Variants in RNF169 observed in about 807,000 individuals in gnomAD.
RNF169 encodes the protein ring finger protein 169, also known as E3 ubiquitin-protein ligase RNF169.
A neutral mutation model predicts 53.9 loss-of-function variants in RNF169; 24 were observed. That is an observed-to-expected ratio of 0.45 (90% confidence interval 0.32 to 0.63). The LOEUF is 0.63. Ranked by LOEUF, RNF169 falls within the 20% of genes least tolerant of loss-of-function variation. RNF169 has a pLI of 0.04. For synonymous variants in RNF169, 396 were observed against 363.5 expected (o/e 1.09, Z -1.02); for missense variants, 883 against 906.2 (o/e 0.97, Z 0.33).
intron 1 of RNF169, among the ~76,000 whole-genome samples, chr11:74,771,303 G>A (rs925167231): frequency 6.6e-6 from 1 of 152,126 alleles, no homozygotes; most frequent in African/African-American, 2.4e-5. Context: ...ATCTGAAATC[G>A]AAAATGTGCC....
intron 4 of RNF169, 62 bp from the exon 5 acceptor site, chr11:74,834,614 C>A: frequency 8.3e-7 from 1 of 1,203,900 alleles, no homozygotes; most frequent in Non-Finnish European, 1.2e-6. Flanking sequence ...TATTGTCATC[C>A]TTTTTCCTTA....
chr11:74,791,757 A>G (rs1370080689), intron 2 of RNF169, among the ~76,000 whole-genome samples: 3 of 152,220 alleles, frequency 2.0e-5, no homozygotes, highest in East Asian at 1.9e-4. Context: ...TGGGCCCCCA[A>G]GAGCACAGGG....
chr11:74,794,498 A>G (rs2035620296), intron 2 of RNF169, among the ~76,000 whole-genome samples: 1 of 152,222 alleles, frequency 6.6e-6, no homozygotes, highest in South Asian at 2.1e-4. Context: ...GAAAGCTAGG[A>G]AGTGGTGGTC....
intron 2 of RNF169, among the ~76,000 whole-genome samples, chr11:74,803,973 A>G (rs1237983480): frequency 2.0e-5 from 3 of 152,220 alleles, no homozygotes; most frequent in East Asian, 3.8e-4. Context: ...ACAGCAGGTC[A>G]TTGTTCAACA....
At chr11:74,769,202 T>C (rs1212038904) in intron 1 of RNF169, among the ~76,000 whole-genome samples, 1 of 152,132 alleles carries the variant, frequency 6.6e-6, no homozygotes, top group Non-Finnish European at 1.5e-5. Flanking sequence ...AGAAAAATGG[T>C]GAGAAGATTT....
chr11:74,817,525 G>C (rs2035954473), intron 3 of RNF169, 71 bp from the exon 4 acceptor site: 1 of 919,212 alleles, frequency 1.1e-6, no homozygotes, highest in East Asian at 2.4e-5. Context: ...AAAGAGATTT[G>C]AACCTATAGC....
At chr11:74,826,669 T>C (rs1351309214) in intron 4 of RNF169, among the ~76,000 whole-genome samples, 4 of 152,218 alleles carry the variant, frequency 2.6e-5, no homozygotes, top group Admixed American at 2.6e-4. Flanking sequence ...AATAAGGGTA[T>C]AGGCATTGGG....
intron 1 of RNF169, among the ~76,000 whole-genome samples, chr11:74,752,228 TAAAAAAAAA>T (rs11325931): frequency 5.7e-4 from 45 of 78,742 alleles, no homozygotes; most frequent in Non-Finnish European, 8.8e-4. Context: ...GAGACTGTCT[TAAAAAAAAA>T]AAAAAAAAAA....
At chr11:74,800,157 G>C (rs2035709217) in intron 2 of RNF169, among the ~76,000 whole-genome samples, 1 of 151,628 alleles carries the variant, frequency 6.6e-6, no homozygotes, top group African/African-American at 2.4e-5. Flanking sequence ...AAGATAAACT[G>C]ATTTTTAAAA....
chr11:74,755,063 T>C lies in RNF169; in HGVS notation c.502+5681T>C, dbSNP rs2135303145. Among the ~76,000 whole-genome samples the C allele has an allele frequency of 2.0e-5, 3 of 152,346 alleles. No individual in the cohort carries two copies. In the South Asian group the frequency reaches 6.2e-4, roughly 32 times the overall value. ...AATGAATAATGAAACCATGTGATTG[T>C]AGTGCAAGAGGACAGGAATTCCCTA... On this transcript the variant is annotated intron_variant, in intron 1 of 5. Transcript: ENST00000299563.
At chr11:74,787,859 C>T (rs538307573) in intron 1 of RNF169, among the ~76,000 whole-genome samples, 1 of 152,298 alleles carries the variant, frequency 6.6e-6, no homozygotes, top group Non-Finnish European at 1.5e-5. Context: ...TTCATTACAG[C>T]ATTCTTTCAA....
chr11:74,784,220 G>A (rs1049417762), intron 1 of RNF169, among the ~76,000 whole-genome samples: 1 of 152,178 alleles, frequency 6.6e-6, no homozygotes, highest in Non-Finnish European at 1.5e-5. Context: ...TGAAATCAAA[G>A]TATTGTTACT....
intron 4 of RNF169, among the ~76,000 whole-genome samples, 193 bp downstream of exon 4, chr11:74,817,907 C>T (rs1053938416): frequency 3.3e-5 from 5 of 152,108 alleles, no homozygotes; most frequent in African/African-American, 9.7e-5. Context: ...AAAAGTAACA[C>T]CCCTTTTCTG....
At chr11:74,794,755 G>T (rs1024702741) in intron 2 of RNF169, among the ~76,000 whole-genome samples, 2 of 152,110 alleles carry the variant, frequency 1.3e-5, no homozygotes, top group Non-Finnish European at 2.9e-5. Context: ...GTGACAGAGA[G>T]GGGTCATGAG....
chr11:74,778,348 C>G (rs977003396), intron 1 of RNF169, among the ~76,000 whole-genome samples: 4 of 152,156 alleles, frequency 2.6e-5, no homozygotes, highest in African/African-American at 9.7e-5. Flanking sequence ...CATATGATAA[C>G]TTGATATGTT....
At chr11:74,835,051 T>C (rs2036233272) in intron 5 of RNF169, among the ~76,000 whole-genome samples, 2 of 152,152 alleles carry the variant, frequency 1.3e-5, no homozygotes, top group African/African-American at 4.8e-5. Context: ...GGTGCAACCA[T>C]AGCTCACTGA....
At chr11:74,753,031 T>C (rs1055021402) in intron 1 of RNF169, among the ~76,000 whole-genome samples, 1 of 152,210 alleles carries the variant, frequency 6.6e-6, no homozygotes, top group African/African-American at 2.4e-5. Context: ...TGCAATGGCA[T>C]GATCTCGGTT....
intron 1 of RNF169, among the ~76,000 whole-genome samples, chr11:74,788,929 C>T (rs1033184858): frequency 6.6e-6 from 1 of 152,078 alleles, no homozygotes; most frequent in Non-Finnish European, 1.5e-5. Flanking sequence ...AGATGGGTTG[C>T]CTTTTTAATC....
In RNF169 at chr11:74,842,299, G is replaced by A. The variant is rs1450329392; in HGVS notation, c.*5569G>A. Reference sequence around the variant, plus strand: ...CAGCAAGGACATGGCATGGAATCAAGTGGGCTGATGTGTTGTTATTTAAAC... The same window carrying A: ...CAGCAAGGACATGGCATGGAATCAAATGGGCTGATGTGTTGTTATTTAAAC... On this transcript the variant is annotated 3_prime_UTR_variant, in exon 6 of 6. Coordinates refer to ENST00000299563, the MANE Select transcript of RNF169 (RefSeq NM_001098638.2). 1 of 152,250 alleles carries A rather than the reference G, an allele frequency of 6.6e-6. No individual in the cohort carries two copies. Among genetic ancestry groups the A allele is most frequent in the Non-Finnish European group, 1.5e-5 (1 of 68,048 alleles). The allele number at this position is 152,250 out of a possible 1,614,324, so 9.4% of individuals were successfully genotyped here.
Sources: gnomAD v4.1 joint callset for allele counts (sites outside exome capture counted in the v4.1 genomes callset) on GRCh38, gnomAD v4.1.1 for gene constraint, MANE v1.5 for transcripts, NCBI Gene and HGNC (gene_info 2026-07-23, HGNC 2026-07-21) for gene names.